The following CFAP221 variants were observed in gnomAD, a reference collection of about 807,000 sequenced individuals.
CFAP221 encodes the protein cilia- and flagella-associated protein 221.
Under a neutral mutation model 113.1 loss-of-function variants are expected in CFAP221, and 97 were observed. That is an observed-to-expected ratio of 0.86 (90% confidence interval 0.73 to 1.02). The LOEUF (loss-of-function observed/expected upper bound fraction) is 1.02, where lower values mean the gene tolerates loss of function less well. Among genes scored for constraint, CFAP221 ranks in the 50% least tolerant of loss-of-function variants. CFAP221 has a pLI of 0.00. For missense variants in CFAP221, 1,025 were observed against 1,013.4 expected (o/e 1.01, Z -0.16); for synonymous variants, 331 against 354.4 (o/e 0.93, Z 0.74).
chr2:119,644,146 C>T (rs1687659131), intron 21 of CFAP221, among the ~76,000 whole-genome samples: 1 of 151,834 alleles, frequency 6.6e-6, no homozygotes. Flanking sequence ...AAACAAGACT[C>T]CATCTCAAAA....
chr2:119,594,584 C>T (rs949297875), intron 7 of CFAP221, among the ~76,000 whole-genome samples: 2 of 152,108 alleles, frequency 1.3e-5, no homozygotes, highest in Non-Finnish European at 2.9e-5. Context: ...CTGTTCCTCT[C>T]CTCCTTCAAA....
intron 6 of CFAP221, among the ~76,000 whole-genome samples, chr2:119,564,842 G>A (rs1681510279): frequency 6.6e-6 from 1 of 152,058 alleles, no homozygotes; most frequent in African/African-American, 2.4e-5. Context: ...AACATTGCTG[G>A]CATATATCCT....
At chr2:119,605,100 C>T (rs1014983228) in intron 10 of CFAP221, 81 bp from the exon 11 acceptor site, 28 of 1,459,884 alleles carry the variant, frequency 1.9e-5, no homozygotes, top group Admixed American at 1.2e-4. Context: ...TGTTATGCCT[C>T]GCCATTAGAA....
intron 19 of CFAP221, among the ~76,000 whole-genome samples, chr2:119,635,961 G>A (rs978531383): frequency 2.0e-5 from 3 of 152,156 alleles, no homozygotes; most frequent in African/African-American, 7.2e-5. Flanking sequence ...TACAAGGGGG[G>A]AAATCAACTG....
chr2:119,626,106 C>T (rs1418658149), intron 15 of CFAP221, among the ~76,000 whole-genome samples: 1 of 152,180 alleles, frequency 6.6e-6, no homozygotes, highest in Non-Finnish European at 1.5e-5. Context: ...CACCTGCATT[C>T]CTTGGCTTAT....
chr2:119,618,490 G>A (rs1050633215), intron 14 of CFAP221, among the ~76,000 whole-genome samples: 1 of 152,232 alleles, frequency 6.6e-6, no homozygotes, highest in East Asian at 1.9e-4. Flanking sequence ...AGGGGTTGGG[G>A]AACTCCCTCC....
At chr2:119,551,229 T>C (rs1038764128) in intron 3 of CFAP221, among the ~76,000 whole-genome samples, 2 of 152,230 alleles carry the variant, frequency 1.3e-5, no homozygotes, top group African/African-American at 4.8e-5. Context: ...GGGCTTGCTT[T>C]TGTGGACATA....
In CFAP221 at chr2:119,630,695, T is replaced by G; in HGVS notation, c.1839+18T>G. On this transcript the variant is annotated intron_variant, in intron 18 of 23. Coordinates refer to ENST00000413369, the MANE Select transcript of CFAP221 (RefSeq NM_001271049.2). ...GAGCTGAGGTAACACACCCCCATCT[T>G]CCAGAATCTCTCTCATCTTTTCCCT... The G allele has an allele frequency of 1.9e-6, 3 of 1,606,212 alleles. No individual in the cohort carries two copies. Among genetic ancestry groups the G allele is most frequent in the Non-Finnish European group, 2.6e-6 (3 of 1,172,840 alleles).
intron 7 of CFAP221, among the ~76,000 whole-genome samples, chr2:119,594,939 C>T (rs949239936): frequency 1.3e-5 from 2 of 152,250 alleles, no homozygotes; most frequent in Non-Finnish European, 2.9e-5. Context: ...CCCAGCCCCA[C>T]AGTCTGTGTA....
chr2:119,549,676 T>C (rs943633398), intron 3 of CFAP221, among the ~76,000 whole-genome samples: 11 of 152,178 alleles, frequency 7.2e-5, no homozygotes, highest in Non-Finnish European at 1.3e-4. Flanking sequence ...GGTGTCCCTT[T>C]CCTATGAAGC....
intron 19 of CFAP221, 94 bp from the exon 20 acceptor site, chr2:119,638,165 G>T: frequency 6.6e-6 from 9 of 1,354,312 alleles, no homozygotes; most frequent in Non-Finnish European, 9.4e-6. Context: ...GTTAGTGCTA[G>T]TGGGAGCCAC....
chr2:119,587,223 G>A lies in CFAP221; in HGVS notation c.631+1G>A, dbSNP rs1247385396. 2.0e-5 allele frequency: 30 copies of A among 1,492,932 alleles called. No homozygotes were observed. The highest frequency in any genetic ancestry group is 1.7e-4 in the Middle Eastern group (1 of 5,876). The allele number at this position is 1,492,932 out of a possible 1,614,324, so 92.5% of individuals were successfully genotyped here. A position where few individuals can be genotyped will look rare whatever the true frequency, so the allele number is the denominator to read the frequency against. ...GCCTTTGCTATTGAGCCAACATCAG[G>A]TAAGGAGTGTCAAGATTTCAAGTTC... On this transcript the variant is annotated splice_donor_variant, in intron 7 of 23. Transcript: ENST00000413369. LOFTEE classifies it high-confidence loss of function.
chr2:119,576,894 C>G (rs1256561730), intron 6 of CFAP221, among the ~76,000 whole-genome samples: 1 of 152,174 alleles, frequency 6.6e-6, no homozygotes, highest in Non-Finnish European at 1.5e-5. Flanking sequence ...TTTTGTTGAT[C>G]ACATTCTGAA....
intron 6 of CFAP221, among the ~76,000 whole-genome samples, chr2:119,582,219 G>A (rs571009039): frequency 3.9e-5 from 6 of 152,332 alleles, no homozygotes; most frequent in Admixed American, 3.3e-4. Flanking sequence ...AATGGAAGGA[G>A]AATGGCAAAC....
chr2:119,599,192 A>G (rs1684197311), intron 7 of CFAP221, among the ~76,000 whole-genome samples: 1 of 152,196 alleles, frequency 6.6e-6, no homozygotes, highest in Non-Finnish European at 1.5e-5. Flanking sequence ...CCTATTTCTA[A>G]AGCACTGTGC....
At chr2:119,572,522 T>C in intron 6 of CFAP221, 4 of 694,398 alleles carry the variant, frequency 5.8e-6, no homozygotes, top group Non-Finnish European at 1.1e-5. Context: ...TTCATGTTAA[T>C]TCATCATGCT....
intron 12 of CFAP221, among the ~76,000 whole-genome samples, chr2:119,608,949 A>C (rs1684963144): frequency 6.6e-6 from 1 of 152,226 alleles, no homozygotes; most frequent in Non-Finnish European, 1.5e-5. Context: ...CATGATCTAC[A>C]GAGCATGAAG....
At position 119,560,072 on chromosome 2, in the gene CFAP221, G is replaced by A. The variant is rs1390280421; in HGVS notation, c.426+46G>A. The A allele has an allele frequency of 1.5e-5, 19 of 1,269,652 alleles. No homozygotes were observed. In the South Asian group the frequency reaches 2.2e-4, roughly 14 times the overall value. The allele number at this position is 1,269,652 out of a possible 1,614,324, so 78.6% of individuals were successfully genotyped here. A position where few individuals can be genotyped will look rare whatever the true frequency, so the allele number is the denominator to read the frequency against. ...TTTTTTTTTTTTTTTTTTTGATGGT[G>A]GGTTAAAACTTACATTCTCAATGGT... is the stretch of plus-strand genomic sequence containing the variant. On this transcript the variant is annotated intron_variant, in intron 5 of 23. Coordinates refer to ENST00000413369, the MANE Select transcript of CFAP221 (RefSeq NM_001271049.2).
intron 23 of CFAP221, among the ~76,000 whole-genome samples, chr2:119,655,082 G>A (rs1249575460): frequency 6.6e-6 from 1 of 152,206 alleles, no homozygotes; most frequent in Non-Finnish European, 1.5e-5. Context: ...CATCAGCAGT[G>A]TCCCATTTCC....
Sources: allele counts gnomAD v4.1 joint callset (sites outside exome capture counted in the v4.1 genomes callset), GRCh38; gene constraint gnomAD v4.1.1; transcripts MANE v1.5; gene names NCBI Gene and HGNC (gene_info 2026-07-23, HGNC 2026-07-21).